The following PTTG1IP2 variants were observed in gnomAD, a reference collection of about 807,000 sequenced individuals.
PTTG1IP2 encodes the protein PTTG1IP family member 2.
chr7:90,508,240 T>C (rs1265399750), intron 6 of PTTG1IP2, among the ~76,000 whole-genome samples: 4 of 139,706 alleles, frequency 2.9e-5, no homozygotes, highest in Admixed American at 7.7e-5. Flanking sequence ...GCCTCCAGTC[T>C]GGGCAACAGT....
chr7:90,489,785 C>A (rs1797918423), intron 4 of PTTG1IP2, among the ~76,000 whole-genome samples: 1 of 151,846 alleles, frequency 6.6e-6, no homozygotes, highest in African/African-American at 2.4e-5. Context: ...ACCTATATTG[C>A]TTGAAAAAGA....
chr7:90,482,510 C>CG (rs1797824257), intron 2 of PTTG1IP2, among the ~76,000 whole-genome samples: 1 of 150,934 alleles, frequency 6.6e-6, no homozygotes. Flanking sequence ...TTACAACCCC[C>CG]CCCCCACACA....
intron 6 of PTTG1IP2, among the ~76,000 whole-genome samples, chr7:90,495,468 ATG>A (rs148211028): frequency 6.6e-6 from 1 of 152,140 alleles, no homozygotes; most frequent in Non-Finnish European, 1.5e-5. Context: ...TTGTGTGTGT[ATG>A]TGTGTGTGTG....
At chr7:90,470,963 C>CAAAAAAAAAAAAAAAAGAAAAAAAAAAA (rs1797677765) in intron 1 of PTTG1IP2, among the ~76,000 whole-genome samples, 1 of 108,112 alleles carries the variant, frequency 9.2e-6, no homozygotes, top group Non-Finnish European at 2.0e-5. Flanking sequence ...TGATGAAGAA[C>CAAAAAAAAAAAAAAAAGAAAAAAAAAAA]AAAAAAAAAA....
chr7:90,470,908 A>G (rs1218743984), intron 1 of PTTG1IP2, among the ~76,000 whole-genome samples: 6 of 150,678 alleles, frequency 4.0e-5, no homozygotes, highest in African/African-American at 1.5e-4. Flanking sequence ...AGCAAACTGG[A>G]CTCATACCGG....
intron 6 of PTTG1IP2, among the ~76,000 whole-genome samples, chr7:90,499,694 C>T (rs1474643210): frequency 4.6e-5 from 7 of 152,022 alleles, no homozygotes; most frequent in African/African-American, 1.7e-4. Flanking sequence ...AGCGATTCTC[C>T]TGCCTCAGGC....
chr7:90,506,100 A>G (rs1798122103), intron 6 of PTTG1IP2, among the ~76,000 whole-genome samples: 1 of 151,814 alleles, frequency 6.6e-6, no homozygotes, highest in Non-Finnish European at 1.5e-5. Context: ...AATGCACTGC[A>G]AGTATCTCTA....
chr7:90,479,141 A>G (rs1387821632), intron 1 of PTTG1IP2, 87 bp from the exon 2 acceptor site: 2 of 152,586 alleles, frequency 1.3e-5, no homozygotes, highest in East Asian at 3.8e-4. Flanking sequence ...TTAAAACAGG[A>G]ATTACTAAAT....
intron 1 of PTTG1IP2, among the ~76,000 whole-genome samples, chr7:90,475,475 A>T (rs1303367764): frequency 6.6e-6 from 1 of 152,192 alleles, no homozygotes; most frequent in Non-Finnish European, 1.5e-5. Flanking sequence ...AATATAATCA[A>T]CACAAACATA....
At chr7:90,486,042 G>T (rs963824846) in intron 2 of PTTG1IP2, among the ~76,000 whole-genome samples, 1 of 152,140 alleles carries the variant, frequency 6.6e-6, no homozygotes, top group South Asian at 2.1e-4. Context: ...TGATTTGACC[G>T]TTAATCTTGT....
At chr7:90,503,180 C>G (rs1798080597) in intron 6 of PTTG1IP2, among the ~76,000 whole-genome samples, 1 of 152,170 alleles carries the variant, frequency 6.6e-6, no homozygotes, top group African/African-American at 2.4e-5. Context: ...CCAGTCTCTG[C>G]TAGATTCCAA....
Position 90,497,563 on chromosome 7 carries a change from C to CAA in PTTG1IP2, c.*50+3154_*50+3155dup, listed in dbSNP as rs758753541. Among the ~76,000 whole-genome samples, 185 of 43,964 alleles carry CAA rather than the reference C, an allele frequency of 4.2e-3. 4 individuals carry two copies. The highest frequency in any genetic ancestry group is 8.6e-3 in the African/African-American group (106 of 12,374). 28.8% of individuals were successfully genotyped at this position (43,964 alleles called of 152,430 possible). ...TGGGCGACAGAGCGAGAATCCGTCT[C>CAA]AAAAAAAAAAAAAAAAAAAAAAGTT... On this transcript the variant is annotated intron_variant, in intron 6 of 6. Coordinates refer to ENST00000509356, the MANE Select transcript of PTTG1IP2 (RefSeq NM_001365443.2).
At position 90,509,728 on chromosome 7, in the gene PTTG1IP2, G is replaced by A. The variant is rs150956779; in HGVS notation, c.*51-3550G>A. Among the ~76,000 whole-genome samples, 122 of 152,248 alleles carry A rather than the reference G, an allele frequency of 8.0e-4. 2 individuals carry two copies. Among genetic ancestry groups the A allele is most frequent in the African/African-American group, 2.8e-3 (118 of 41,540 alleles). On this transcript the variant is annotated intron_variant, in intron 6 of 6. Coordinates refer to ENST00000509356, the MANE Select transcript of PTTG1IP2 (RefSeq NM_001365443.2). Reference sequence around the variant, plus strand: ...TTAATATAAAGTGTGGATAGAAGTTGTGATTTCCCGCAAGAAGCTGGAGGC... The same window carrying A: ...TTAATATAAAGTGTGGATAGAAGTTATGATTTCCCGCAAGAAGCTGGAGGC...
At chr7:90,476,591 G>T (rs1797749902) in intron 1 of PTTG1IP2, among the ~76,000 whole-genome samples, 1 of 152,010 alleles carries the variant, frequency 6.6e-6, no homozygotes, top group South Asian at 2.1e-4. Flanking sequence ...TGATGGAATA[G>T]GATATACCTT....
At chr7:90,481,261 T>C (rs62469430) in intron 2 of PTTG1IP2, among the ~76,000 whole-genome samples, 1 of 152,178 alleles carries the variant, frequency 6.6e-6, no homozygotes, top group Non-Finnish European at 1.5e-5. Context: ...GATGTTTTGA[T>C]ACAGGCATGC....
intron 6 of PTTG1IP2, among the ~76,000 whole-genome samples, chr7:90,507,081 C>T (rs1427402113): frequency 6.6e-6 from 1 of 152,166 alleles, no homozygotes; most frequent in South Asian, 2.1e-4. Flanking sequence ...TGTAAAACTT[C>T]ATCAAATTCT....
chr7:90,472,895 A>G (rs138329310), intron 1 of PTTG1IP2, among the ~76,000 whole-genome samples: 1 of 152,296 alleles, frequency 6.6e-6, no homozygotes, highest in East Asian at 1.9e-4. Context: ...CATTGACACT[A>G]AGGTTTAAAT....
chr7:90,482,063 A>C (rs752875091), intron 2 of PTTG1IP2, among the ~76,000 whole-genome samples: 4 of 152,144 alleles, frequency 2.6e-5, no homozygotes, highest in African/African-American at 4.8e-5. Flanking sequence ...CCACATGGTC[A>C]ACATAGAATT....
chr7:90,488,321 A>ACAGAAACT (rs56931782), intron 3 of PTTG1IP2, among the ~76,000 whole-genome samples: 85,800 of 151,152 alleles, frequency 0.57, 24,976 homozygotes, highest in Non-Finnish European at 0.64. Flanking sequence ...ACTAGTATGA[A>ACAGAAACT]CTAGTCTCCT....
Sources: gnomAD v4.1 joint callset for allele counts (sites outside exome capture counted in the v4.1 genomes callset) on GRCh38, gnomAD v4.1.1 for gene constraint, MANE v1.5 for transcripts, NCBI Gene and HGNC (gene_info 2026-07-23, HGNC 2026-07-21) for gene names.